The following MDGA2 variants were observed in gnomAD, a reference collection of about 807,000 sequenced individuals.
The protein encoded by MDGA2 is MAM domain containing glycosylphosphatidylinositol anchor 2.
In MDGA2, 40 loss-of-function variants were observed where a neutral mutation model predicts 117.8. The ratio of observed to expected loss-of-function variants is 0.34; its 90% confidence interval spans 0.26 to 0.44. MDGA2 has a LOEUF of 0.44. MDGA2 is among the 20% of genes least tolerant of loss of function. The pLI is 1.00. For missense variants in MDGA2, 1,123 were observed against 1,250.6 expected (o/e 0.90, Z 1.54); for synonymous variants, 452 against 439.0 (o/e 1.03, Z -0.37).
intron 14 of MDGA2, among the ~76,000 whole-genome samples, chr14:46,869,945 G>A (rs987781456): frequency 6.6e-6 from 1 of 151,846 alleles, no homozygotes; most frequent in Non-Finnish European, 1.5e-5. Context: ...CAAGCAAGTG[G>A]GCTTGGAAGT....
chr14:47,585,832 C>G (rs2138849064), intron 1 of MDGA2, among the ~76,000 whole-genome samples: 1 of 152,000 alleles, frequency 6.6e-6, no homozygotes, highest in South Asian at 2.1e-4. Context: ...TCACCTTCCT[C>G]AGTCCGGGAG....
chr14:47,381,423 C>T (rs1891622777), intron 1 of MDGA2, among the ~76,000 whole-genome samples: 1 of 152,152 alleles, frequency 6.6e-6, no homozygotes, highest in Non-Finnish European at 1.5e-5. Flanking sequence ...GTCAAATTGT[C>T]CCTGTTTGCA....
chr14:46,841,817 G>T lies in MDGA2; in HGVS notation c.*114C>A. On this transcript the variant is annotated 3_prime_UTR_variant, in exon 17 of 17. Coordinates refer to ENST00000399232, the MANE Select transcript of MDGA2 (RefSeq NM_001113498.3). ...TTTGTTTTTATTATTTTATTTTTGA[G>T]TCAGTAGTCAGTGGAGGAATCTTTG... 1 of 653,310 alleles carries T rather than the reference G, an allele frequency of 1.5e-6. No individual in the cohort carries two copies. Among genetic ancestry groups the T allele is most frequent in the South Asian group, 2.7e-5 (1 of 37,456 alleles). The allele number at this position is 653,310 out of a possible 1,614,324, so 40.5% of individuals were successfully genotyped here. A position where few individuals can be genotyped will look rare whatever the true frequency, so the allele number is the denominator to read the frequency against.
intron 10 of MDGA2, among the ~76,000 whole-genome samples, chr14:46,917,220 CTT>C (rs1375031410): frequency 1.3e-5 from 2 of 152,104 alleles, no homozygotes; most frequent in Non-Finnish European, 1.5e-5. Flanking sequence ...AAAACCATGA[CTT>C]GAAATAATGC....
At chr14:47,267,466 TTG>T (rs1371277699) in intron 2 of MDGA2, among the ~76,000 whole-genome samples, 1 of 152,162 alleles carries the variant, frequency 6.6e-6, no homozygotes, top group Non-Finnish European at 1.5e-5. Flanking sequence ...CAATTTTTAA[TTG>T]TTATTTATGT....
chr14:46,999,297 T>C (rs1347824260), intron 8 of MDGA2, among the ~76,000 whole-genome samples: 1 of 151,536 alleles, frequency 6.6e-6, no homozygotes, highest in East Asian at 1.9e-4. Context: ...TAAAAAAAAA[T>C]CTTTTTTTCC....
chr14:47,237,834 C>G (rs988122205), intron 2 of MDGA2, among the ~76,000 whole-genome samples: 3 of 152,114 alleles, frequency 2.0e-5, no homozygotes, highest in African/African-American at 7.2e-5. Flanking sequence ...TCCCTAGACA[C>G]AAGGTCCACC....
At chr14:47,488,458 ACAAT>A (rs1894103983) in intron 1 of MDGA2, among the ~76,000 whole-genome samples, 1 of 152,122 alleles carries the variant, frequency 6.6e-6, no homozygotes, top group Non-Finnish European at 1.5e-5. Context: ...TTTAGTCTTA[ACAAT>A]GTATCATAGA....
intron 1 of MDGA2, among the ~76,000 whole-genome samples, chr14:47,463,379 T>C (rs1030628128): frequency 6.6e-6 from 1 of 152,080 alleles, no homozygotes; most frequent in Non-Finnish European, 1.5e-5. Flanking sequence ...AATTTAGGTA[T>C]AGAATGAGGG....
intron 9 of MDGA2, among the ~76,000 whole-genome samples, chr14:46,956,035 T>A (rs1885551228): frequency 6.6e-6 from 1 of 152,122 alleles, no homozygotes; most frequent in African/African-American, 2.4e-5. Context: ...TCCAGACATC[T>A]GATATGCTTT....
At chr14:47,296,527 A>G (rs1337051827) in intron 2 of MDGA2, among the ~76,000 whole-genome samples, 1 of 152,206 alleles carries the variant, frequency 6.6e-6, no homozygotes, top group Non-Finnish European at 1.5e-5. Flanking sequence ...GTGACTGATA[A>G]ACATGTGGGA....
Position 47,318,559 on chromosome 14 carries a change from T to C in MDGA2, c.281-17009A>G, listed in dbSNP as rs149424933. Among the ~76,000 whole-genome samples, 534 of 152,212 alleles carry C rather than the reference T, an allele frequency of 3.5e-3. 3 individuals are homozygous for C. Among genetic ancestry groups the C allele is most frequent in the African/African-American group, 0.012 (502 of 41,530 alleles). On this transcript the variant is annotated intron_variant, in intron 1 of 16. Transcript: ENST00000399232. The stretch of plus-strand genomic sequence containing the variant: ...TTAACGTGATACAGTTTTACACACA[T>C]ATCTGTGATTGTTAAAGTCAGTCAG...
chr14:47,563,954 T>C (rs1895869175), intron 1 of MDGA2, among the ~76,000 whole-genome samples: 1 of 152,214 alleles, frequency 6.6e-6, no homozygotes, highest in Non-Finnish European at 1.5e-5. Context: ...ATTCTAGTGG[T>C]ATTGAAATCC....
At chr14:46,879,212 A>G (rs1882350263) in intron 11 of MDGA2, among the ~76,000 whole-genome samples, 2 of 152,072 alleles carry the variant, frequency 1.3e-5, no homozygotes, top group Admixed American at 6.6e-5. Context: ...GAGACACCAG[A>G]GAGCTCTCTC....
In MDGA2 at chr14:47,144,174, G is replaced by C; in HGVS notation, c.696C>G (p.Ser232=). The C allele has an allele frequency of 6.4e-7, 1 of 1,551,326 alleles. No individual in the cohort carries two copies. The highest frequency in any genetic ancestry group is 8.7e-7 in the Non-Finnish European group (1 of 1,146,798). Reference sequence around the variant, plus strand: ...TCCAGCTATACCGAACAGGAGGATTGGAATTGGCAACACACCGGAGGAACA... The same window carrying C: ...TCCAGCTATACCGAACAGGAGGATTCGAATTGGCAACACACCGGAGGAACA... ...RTVFLRCVAN[S]NPPVRYSWRR... is the part of the protein sequence containing the mutation. The change falls in exon 4 of 17, where the codon TCC becomes TCG. Residue 232 remains serine (S), a synonymous_variant. Transcript: ENST00000399232.
At chr14:46,892,864 G>C (rs1375312715) in intron 10 of MDGA2, among the ~76,000 whole-genome samples, 2 of 151,908 alleles carry the variant, frequency 1.3e-5, no homozygotes. Context: ...AACAAGTGTT[G>C]GCAAGGGTTT....
chr14:46,895,150 G>C (rs1248643231), intron 10 of MDGA2, among the ~76,000 whole-genome samples: 1 of 152,046 alleles, frequency 6.6e-6, no homozygotes, highest in Non-Finnish European at 1.5e-5. Flanking sequence ...ATCTCATCTT[G>C]AATTGTAGTT....
chr14:47,073,065 A>G (rs1890352864), intron 6 of MDGA2, among the ~76,000 whole-genome samples: 1 of 152,172 alleles, frequency 6.6e-6, no homozygotes, highest in South Asian at 2.1e-4. Context: ...TATTATTTCC[A>G]GATCTCTTCA....
At chr14:47,603,945 TG>T (rs1302546207) in intron 1 of MDGA2, among the ~76,000 whole-genome samples, 1 of 152,170 alleles carries the variant, frequency 6.6e-6, no homozygotes, top group African/African-American at 2.4e-5. Flanking sequence ...GTGAAGTGCC[TG>T]CTCCCTCTTC....
Sources: allele counts gnomAD v4.1 joint callset (sites outside exome capture counted in the v4.1 genomes callset), GRCh38; gene constraint gnomAD v4.1.1; transcripts MANE v1.5; gene names NCBI Gene and HGNC (gene_info 2026-07-23, HGNC 2026-07-21).